Variants in RIMS2 observed in about 807,000 individuals in gnomAD.
The protein encoded by RIMS2 is regulating synaptic membrane exocytosis protein 2.
RIMS2 carries 59 observed loss-of-function variants against 174.4 expected under a neutral mutation model. The ratio of observed to expected loss-of-function variants is 0.34; its 90% CI spans 0.27 to 0.42. RIMS2 has a LOEUF of 0.42. Ranked by LOEUF, RIMS2 falls within the 10% of genes least tolerant of loss-of-function variation. RIMS2 has a pLI of 1.00. For missense variants in RIMS2, 1,620 were observed against 1,666.3 expected, an observed-to-expected ratio of 0.97 and a Z score of 0.48; for synonymous variants, 606 against 572.5, an observed-to-expected ratio of 1.06 and a Z score of -0.84.
At chr8:103,642,355 C>G (rs2096248118) in intron 1 of RIMS2, among the ~76,000 whole-genome samples, 1 of 152,106 alleles carries the variant, frequency 6.6e-6, no homozygotes, top group South Asian at 2.1e-4. Flanking sequence ...TTCCTTTCTT[C>G]TGTACCTTAT....
chr8:104,230,601 G>A (rs1277955750), intron 19 of RIMS2, among the ~76,000 whole-genome samples: 12 of 151,984 alleles, frequency 7.9e-5, no homozygotes, highest in Non-Finnish European at 2.9e-5. Context: ...AGCCAAGATC[G>A]AGCCACTGCA....
intron 3 of RIMS2, among the ~76,000 whole-genome samples, chr8:103,780,687 T>A (rs2098378870): frequency 6.6e-6 from 1 of 152,134 alleles, no homozygotes; most frequent in Non-Finnish European, 1.5e-5. Context: ...AAAACTGCTA[T>A]TTTTTTATGT....
At chr8:104,012,867 C>A (rs2095804407) in intron 17 of RIMS2, among the ~76,000 whole-genome samples, 1 of 152,122 alleles carries the variant, frequency 6.6e-6, no homozygotes, top group Non-Finnish European at 1.5e-5. Flanking sequence ...AGATAGACAG[C>A]CAGTTAACCA....
chr8:104,066,262 C>T (rs1382476864), intron 19 of RIMS2, among the ~76,000 whole-genome samples: 1 of 152,160 alleles, frequency 6.6e-6, no homozygotes, highest in Non-Finnish European at 1.5e-5. Flanking sequence ...ATTCACATTA[C>T]TACCTAGTAA....
At chr8:103,512,811 A>G (rs568895013) in intron 1 of RIMS2, among the ~76,000 whole-genome samples, 2 of 152,280 alleles carry the variant, frequency 1.3e-5, no homozygotes, top group East Asian at 3.9e-4. Flanking sequence ...TTTTTAAAGA[A>G]TAAATTTTAG....
In RIMS2 at chr8:104,196,862, A is replaced by T. The variant is rs10097943; in HGVS notation, c.3335-48054A>T. ...TTGAAAATGATTTTTAAGTAGGCAT[A>T]CTTTAAAAAACATAATTATTGAAAA... On this transcript the variant is annotated intron_variant, in intron 19 of 23. Transcript: ENST00000504942. Among the ~76,000 whole-genome samples the T allele has an allele frequency of 9.9e-3, 1,513 of 152,318 alleles. 20 individuals are homozygous for T. The highest frequency in any genetic ancestry group is 0.033 in the African/African-American group (1,363 of 41,586).
In RIMS2 at chr8:104,221,213, AAGTG is replaced by A. The variant is rs1178884415; in HGVS notation, c.3335-23700_3335-23697del. Among the ~76,000 whole-genome samples the A allele has an allele frequency of 2.6e-5, 4 of 152,316 alleles. No individual in the cohort carries two copies. In the East Asian group the frequency reaches 7.7e-4, roughly 29 times the overall value. Reference sequence around the variant, plus strand: ...ATTCATGTTTTTCAAACTTTTTCAAAAGTGAGAAACACATTTTACATCACAGCTC... The same window carrying A: ...ATTCATGTTTTTCAAACTTTTTCAAAAGAAACACATTTTACATCACAGCTC... On this transcript the variant is annotated intron_variant, in intron 19 of 23. Transcript: ENST00000504942.
chr8:103,968,222 T>G lies in RIMS2; in HGVS notation c.2770+7089T>G, dbSNP rs537133283. Among the ~76,000 whole-genome samples the G allele has an allele frequency of 2.0e-5, 3 of 152,272 alleles. No homozygotes were observed. The South Asian group carries it at 6.2e-4, about 32-fold the overall frequency. ...GTACATTTTTTTCCATCCATTTAAT[T>G]TATATGATTGTTTCCATTTAAAGTG... On this transcript the variant is annotated intron_variant, in intron 15 of 23. Coordinates refer to ENST00000504942, the Ensembl canonical transcript of RIMS2.
intron 1 of RIMS2, among the ~76,000 whole-genome samples, chr8:103,587,640 A>G (rs1271862965): frequency 6.6e-6 from 1 of 152,066 alleles, no homozygotes; most frequent in Non-Finnish European, 1.5e-5. Flanking sequence ...ACCTCATATC[A>G]AGAGAATAAA....
chr8:103,900,318 G>T (rs1032982797), intron 4 of RIMS2, among the ~76,000 whole-genome samples: 2 of 151,586 alleles, frequency 1.3e-5, no homozygotes, highest in Non-Finnish European at 2.9e-5. Flanking sequence ...CCACCTCCTG[G>T]GTTCAAGCGA....
intron 3 of RIMS2, among the ~76,000 whole-genome samples, chr8:103,776,461 C>A (rs1450747440): frequency 1.3e-5 from 2 of 151,956 alleles, no homozygotes; most frequent in East Asian, 1.9e-4. Flanking sequence ...GTTGAACAGT[C>A]CTGTCATAGA....
At chr8:103,556,247 T>C (rs1850398316) in intron 1 of RIMS2, among the ~76,000 whole-genome samples, 1 of 152,170 alleles carries the variant, frequency 6.6e-6, no homozygotes, top group South Asian at 2.1e-4. Flanking sequence ...TATATATTGA[T>C]TTAGTCATTC....
intron 19 of RIMS2, among the ~76,000 whole-genome samples, chr8:104,025,962 T>C (rs1376873730): frequency 6.6e-6 from 1 of 152,024 alleles, no homozygotes; most frequent in Non-Finnish European, 1.5e-5. Context: ...AGGTATATAA[T>C]AGGCTACCCC....
At chr8:103,901,965 A>T (rs972722913) in intron 4 of RIMS2, among the ~76,000 whole-genome samples, 1 of 152,114 alleles carries the variant, frequency 6.6e-6, no homozygotes, top group African/African-American at 2.4e-5. Context: ...AAACAACAAC[A>T]CATGTTTATT....
chr8:103,526,534 G>A (rs528225692), intron 1 of RIMS2, among the ~76,000 whole-genome samples: 1 of 152,236 alleles, frequency 6.6e-6, no homozygotes, highest in Non-Finnish European at 1.5e-5. Flanking sequence ...TTCTGTCATT[G>A]AATTTTAAAA....
chr8:104,186,523 G>A (rs2098968807), intron 19 of RIMS2, among the ~76,000 whole-genome samples: 1 of 151,726 alleles, frequency 6.6e-6, no homozygotes. Flanking sequence ...CCAGGGTAGA[G>A]GATACAGTGT....
At chr8:103,963,765 G>A (rs1431721634) in intron 15 of RIMS2, among the ~76,000 whole-genome samples, 1 of 152,110 alleles carries the variant, frequency 6.6e-6, no homozygotes, top group African/African-American at 2.4e-5. Context: ...ATATTCATTG[G>A]ATTTGGACAA....
chr8:103,948,037 A>G (rs1305410211), intron 14 of RIMS2, among the ~76,000 whole-genome samples: 1 of 152,218 alleles, frequency 6.6e-6, no homozygotes, highest in African/African-American at 2.4e-5. Flanking sequence ...CAAATACTTG[A>G]TAGTTATTTG....
chr8:103,587,690 A>G lies in RIMS2; in HGVS notation c.176+86628A>G, dbSNP rs186489907. ...TGATCATTTTAATTGATGCTGAAAA[A>G]GCATTTGATAAAATTCAGCATTTCA... is the stretch of plus-strand genomic sequence containing the variant. On this transcript the variant is annotated intron_variant, in intron 1 of 23. Coordinates refer to ENST00000504942, the Ensembl canonical transcript of RIMS2. 1.2e-4 allele frequency among the ~76,000 whole-genome samples: 18 copies of G among 152,242 alleles called. No homozygotes were observed. In the East Asian group the frequency reaches 3.3e-3, roughly 28 times the overall value.
Sources: gnomAD v4.1 joint callset for allele counts (sites outside exome capture counted in the v4.1 genomes callset) on GRCh38, gnomAD v4.1.1 for gene constraint, MANE v1.5 for transcripts, NCBI Gene and HGNC (gene_info 2026-07-23, HGNC 2026-07-21) for gene names.